CRYM: variants seen among roughly 807,000 people sequenced by gnomAD.
The protein encoded by CRYM is ketimine reductase mu-crystallin.
Under a neutral mutation model 32.9 loss-of-function variants are expected in CRYM, and 18 were observed. The ratio of observed to expected loss-of-function variants is 0.55; its 90% CI spans 0.38 to 0.81. CRYM has a LOEUF of 0.81. CRYM is among the 30% of genes least tolerant of loss of function. The pLI is 0.00. For missense variants in CRYM, 337 were observed against 393.5 expected (o/e 0.86, Z 1.21); for synonymous variants, 153 against 152.4 (o/e 1.00, Z -0.03).
chr16:21,293,058 G>T (rs1960703049), intron 1 of CRYM, among the ~76,000 whole-genome samples: 1 of 151,796 alleles, frequency 6.6e-6, no homozygotes, highest in Admixed American at 6.6e-5. Flanking sequence ...TAGATAGATA[G>T]AATAAGATAC....
intron 7 of CRYM, among the ~76,000 whole-genome samples, chr16:21,260,236 T>C (rs141139170): frequency 0.011 from 1,738 of 152,302 alleles, 17 homozygotes; most frequent in Middle Eastern, 0.02. Context: ...GGGCTCAGGA[T>C]AGCAACTGTT....
chr16:21,294,688 CT>C (rs372808041), intron 1 of CRYM, among the ~76,000 whole-genome samples: 3,354 of 137,316 alleles, frequency 0.024, 71 homozygotes, highest in East Asian at 0.077. Context: ...GATCTCATTC[CT>C]TTTTTTTTTT....
chr16:21,278,355 G>A, upstream of CRYM: 1 of 1,435,176 alleles, frequency 7.0e-7, no homozygotes, highest in Non-Finnish European at 9.5e-7. Flanking sequence ...CCGCCTGCTG[G>A]TCACAGCCCA....
intron 1 of CRYM, among the ~76,000 whole-genome samples, chr16:21,299,398 T>C (rs1161105216): frequency 6.6e-6 from 1 of 152,104 alleles, no homozygotes; most frequent in Non-Finnish European, 1.5e-5. Flanking sequence ...AACCTCTGCT[T>C]CTTGGGTTGA....
intron 1 of CRYM, among the ~76,000 whole-genome samples, chr16:21,285,585 G>C (rs1337680084): frequency 3.3e-5 from 5 of 152,198 alleles, no homozygotes; most frequent in Admixed American, 3.3e-4. Context: ...AAGCAGTCTG[G>C]TCATCTCTGA....
At chr16:21,284,291 TTTTC>T (rs1370668202) in intron 1 of CRYM, among the ~76,000 whole-genome samples, 12 of 152,208 alleles carry the variant, frequency 7.9e-5, no homozygotes, top group African/African-American at 2.4e-4. Context: ...TTCATCGGGC[TTTTC>T]TTTTTCTTTT....
At chr16:21,266,878 A>G (rs1209712549) in intron 5 of CRYM, among the ~76,000 whole-genome samples, 1 of 151,730 alleles carries the variant, frequency 6.6e-6, no homozygotes, top group African/African-American at 2.4e-5. Flanking sequence ...ATGGTGGCAC[A>G]TGCCTGTAGT....
chr16:21,277,688 C>T lies in CRYM; in HGVS notation c.171-104G>A. ...TTTTCTTTCCTTCCTCACCACCCCA[C>T]TGGCCCTCTTCCAGCCCCCGCATCC... On this transcript the variant is annotated intron_variant, in intron 1 of 7. Transcript: ENST00000572914. The surrounding 1 kb of genome is among the most constrained non-coding windows in gnomAD (Gnocchi z 4.2). 1 of 1,296,822 alleles carries T rather than the reference C, an allele frequency of 7.7e-7. No individual in the cohort carries two copies. Among genetic ancestry groups the T allele is most frequent in the Middle Eastern group, 2.5e-4 (1 of 3,952 alleles). 80.3% of individuals were successfully genotyped at this position (1,296,822 alleles called of 1,614,324 possible).
At chr16:21,278,309 T>C, upstream of CRYM, 3 of 1,538,146 alleles carry the variant, frequency 2.0e-6, no homozygotes, top group Non-Finnish European at 1.7e-6. Flanking sequence ...TACCCTCGGC[T>C]GTGCCCTTTA....
chr16:21,298,607 G>A (rs569819645), intron 1 of CRYM, among the ~76,000 whole-genome samples: 4 of 152,194 alleles, frequency 2.6e-5, no homozygotes, highest in Non-Finnish European at 5.9e-5. Flanking sequence ...AGGGGTGCAT[G>A]TGTAGATAAA....
chr16:21,279,555 T>C (rs577735530), upstream of CRYM, among the ~76,000 whole-genome samples: 107 of 152,318 alleles, frequency 7.0e-4, no homozygotes, highest in African/African-American at 2.4e-3. Context: ...TGAGAACGAT[T>C]CTTGGAGTCA....
upstream of CRYM, among the ~76,000 whole-genome samples, chr16:21,281,117 T>A (rs1374856872): frequency 7.7e-6 from 1 of 129,294 alleles, no homozygotes; most frequent in African/African-American, 3.1e-5. Context: ...TCACTCTCTC[T>A]CTCTCTCTCT....
At chr16:21,271,901 C>G (rs1229745220) in intron 3 of CRYM, among the ~76,000 whole-genome samples, 3 of 151,912 alleles carry the variant, frequency 2.0e-5, no homozygotes, top group Non-Finnish European at 4.4e-5. Flanking sequence ...CTTTGTCGCC[C>G]AGGCTGGAAT....
chr16:21,281,059 C>T (rs558488265), upstream of CRYM, among the ~76,000 whole-genome samples: 32 of 151,178 alleles, frequency 2.1e-4, no homozygotes, highest in African/African-American at 7.0e-4. Flanking sequence ...GAGCCGAGAT[C>T]GTGCCACTGC....
At chr16:21,261,994 G>A (rs201083885) in intron 6 of CRYM, 43 bp downstream of exon 6, 37 of 1,612,356 alleles carry the variant, frequency 2.3e-5, no homozygotes, top group Non-Finnish European at 3.1e-5. Flanking sequence ...TCCAGGTGAG[G>A]CCAGCCAGGT....
intron 7 of CRYM, 123 bp from the exon 8 acceptor site, chr16:21,258,968 G>A (rs1212643475): frequency 2.6e-6 from 2 of 773,066 alleles, no homozygotes; most frequent in African/African-American, 3.4e-5. Context: ...GGAATAACAG[G>A]GACTGATACC....
chr16:21,262,005 G>C (rs770625364), intron 6 of CRYM, 32 bp downstream of exon 6: 1 of 1,613,178 alleles, frequency 6.2e-7, no homozygotes, highest in East Asian at 2.2e-5. Context: ...CCAGCCAGGT[G>C]GCAGCCCTGA....
chr16:21,280,178 G>C (rs376170868), upstream of CRYM, among the ~76,000 whole-genome samples: 1 of 152,146 alleles, frequency 6.6e-6, no homozygotes, highest in South Asian at 2.1e-4. Flanking sequence ...TGAGGAGTTC[G>C]AGACCAGCCT....
rs1354054493 is a variant in CRYM, at chr16:21,262,262, C to T, written c.674-104G>A. 3 of 1,447,078 alleles carry T rather than the reference C, an allele frequency of 2.1e-6. No homozygotes were observed. In the African/African-American group the frequency reaches 4.2e-5, roughly 20 times the overall value. The allele number at this position is 1,447,078 out of a possible 1,614,324, so 89.6% of individuals were successfully genotyped here. On this transcript the variant is annotated intron_variant, in intron 5 of 7. Coordinates refer to ENST00000572914, the MANE Select transcript of CRYM (RefSeq NM_001376256.1). ...TGAACAAAGGACTCGTGAACACACT[C>T]AGATTCAAAATACCCCCTCATTCCC... is the stretch of plus-strand genomic sequence containing the variant.
Sources: allele counts gnomAD v4.1 joint callset (sites outside exome capture counted in the v4.1 genomes callset), GRCh38; gene constraint gnomAD v4.1.1; non-coding constraint Gnocchi (gnomAD v3.1); transcripts MANE v1.5; gene names NCBI Gene and HGNC (gene_info 2026-07-23, HGNC 2026-07-21).